Variants in KPNB1 observed in about 807,000 individuals in gnomAD.
KPNB1 encodes importin subunit beta-1.
KPNB1 carries 7 observed loss-of-function variants against 113.0 expected under a neutral mutation model. The ratio of observed to expected loss-of-function variants is 0.06; its 90% CI spans 0.04 to 0.12. The LOEUF (loss-of-function observed/expected upper bound fraction) is 0.12, where lower values mean the gene tolerates loss of function less well. Ranked by LOEUF, KPNB1 falls within the 10% of genes least tolerant of loss-of-function variation. KPNB1 has a pLI of 1.00. For missense variants in KPNB1, 400 were observed against 1,054.8 expected (o/e 0.38, Z 8.60); for synonymous variants, 363 against 378.6 (o/e 0.96, Z 0.48).
chr17:47,682,144 ATTTC>A (rs2030803849), intron 21 of KPNB1, among the ~76,000 whole-genome samples: 1 of 152,148 alleles, frequency 6.6e-6, no homozygotes, highest in Non-Finnish European at 1.5e-5. Context: ...TACAGTTTTA[ATTTC>A]TTTCACTCTT....
In KPNB1 at chr17:47,683,159, G is replaced by GTTTTT. The variant is rs560543684; in HGVS notation, c.*763_*767dup. 1 of 77,912 alleles carries GTTTTT rather than the reference G, an allele frequency of 1.3e-5. No homozygotes were observed. Among genetic ancestry groups the GTTTTT allele is most frequent in the Non-Finnish European group, 2.6e-5 (1 of 38,648 alleles). 4.8% of individuals were successfully genotyped at this position (77,912 alleles called of 1,614,324 possible). A position where few individuals can be genotyped will look rare whatever the true frequency, so the allele number is the denominator to read the frequency against. Reference sequence around the variant, plus strand: ...AAAGACGCTCTTTAGGTTTTGTTTTGTTTTTTTTTTTTGGTTTTGTTTTTT... The same window carrying GTTTTT: ...AAAGACGCTCTTTAGGTTTTGTTTTGTTTTTTTTTTTTTTTTTGGTTTTGTTTTTT... On this transcript the variant is annotated 3_prime_UTR_variant, in exon 22 of 22. Transcript: ENST00000290158.
intron 17 of KPNB1, among the ~76,000 whole-genome samples, chr17:47,677,408 G>A (rs549944468): frequency 2.0e-5 from 3 of 148,512 alleles, no homozygotes; most frequent in African/African-American, 5.0e-5. Context: ...GGAGGTGGAC[G>A]TTGCAGTGAG....
intron 9 of KPNB1, among the ~76,000 whole-genome samples, chr17:47,666,593 T>C (rs890555588): frequency 3.4e-5 from 5 of 146,212 alleles, no homozygotes; most frequent in Admixed American, 7.0e-5. Flanking sequence ...CTACATATTA[T>C]ATATAATTAT....
intron 14 of KPNB1, chr17:47,673,844 C>T: frequency 2.7e-6 from 1 of 374,202 alleles, no homozygotes; most frequent in Non-Finnish European, 4.9e-6. Flanking sequence ...AACATACACT[C>T]CTCAGACCTC....
At chr17:47,671,101 C>G (rs2030430870) in intron 12 of KPNB1, among the ~76,000 whole-genome samples, 1 of 152,130 alleles carries the variant, frequency 6.6e-6, no homozygotes, top group Admixed American at 6.5e-5. Context: ...ACTAAAAATA[C>G]AAAAAATTAG....
At chr17:47,658,460 C>T (rs1355932556) in intron 4 of KPNB1, 48 bp from the exon 5 acceptor site, 8 of 1,570,838 alleles carry the variant, frequency 5.1e-6, no homozygotes, top group Non-Finnish European at 6.0e-6. Flanking sequence ...GAACCCATGG[C>T]TGCAGAGGGC....
chr17:47,681,686 GTTTTTTTTT>G lies in KPNB1; in HGVS notation c.*-701_*-693del, dbSNP rs59222945. The stretch of plus-strand genomic sequence containing the variant: ...GCCTCCTAAATTGCTGGAATTATAG[GTTTTTTTTT>G]TTTTTTTTTTTTTTTTGTATTTTTA... On this transcript the variant is annotated intron_variant, in intron 21 of 21. Coordinates refer to ENST00000290158, the MANE Select transcript of KPNB1 (RefSeq NM_002265.6). 1.4e-4 allele frequency among the ~76,000 whole-genome samples: 13 copies of G among 96,040 alleles called. No individual in the cohort carries two copies. The East Asian group carries it at 1.6e-3, about 12-fold the overall frequency. 63.0% of individuals were successfully genotyped at this position (96,040 alleles called of 152,430 possible).
Position 47,678,087 on chromosome 17 carries a change from A to G in KPNB1, c.2145A>G (p.Ser715=). ...VHRSVKPQIL[S]VFGDIALAIG... is the part of the protein sequence containing the mutation. ...GGTCTGTGAAGCCGCAGATTCTGTC[A>G]GTGTTTGGTGATATTGCCCTTGCTA... The change falls in exon 18 of 22, where the codon TCA becomes TCG. Residue 715 remains serine (S), a synonymous_variant. Transcript: ENST00000290158. The G allele has an allele frequency of 6.2e-7, 1 of 1,614,172 alleles. No homozygotes were observed. The highest frequency in any genetic ancestry group is 8.5e-7 in the Non-Finnish European group (1 of 1,179,978).
intron 7 of KPNB1, among the ~76,000 whole-genome samples, chr17:47,663,724 C>G (rs911549276): frequency 6.6e-6 from 1 of 152,106 alleles, no homozygotes; most frequent in Non-Finnish European, 1.5e-5. Flanking sequence ...GTGGCTCACG[C>G]CTGTAATCCC....
rs764960340 is a variant in KPNB1 at position 47,650,224 on chromosome 17, G to C, written c.-21G>C. On this transcript the variant is annotated 5_prime_UTR_variant, in exon 1 of 22. Coordinates refer to ENST00000290158, the MANE Select transcript of KPNB1 (RefSeq NM_002265.6). ...CCGGGCCGTCGTCTTAGGAGGAGTC[G>C]CCGCCGCCGCCACCTCCGCCATGGA... The C allele has an allele frequency of 1.9e-6, 3 of 1,570,706 alleles. No homozygotes were observed. The highest frequency in any genetic ancestry group is 2.6e-6 in the Non-Finnish European group (3 of 1,163,062).
At chr17:47,680,277 C>T in intron 20 of KPNB1, 143 bp downstream of exon 20, 1 of 759,164 alleles carries the variant, frequency 1.3e-6, no homozygotes, top group Middle Eastern at 2.6e-4. Context: ...CGCTTCATGT[C>T]CTGTTTTGAG....
At chr17:47,658,075 A>G (rs1050082341) in intron 4 of KPNB1, among the ~76,000 whole-genome samples, 14 of 152,178 alleles carry the variant, frequency 9.2e-5, no homozygotes, top group Admixed American at 8.5e-4. Context: ...TCTGGGCAAT[A>G]CAGACCCTGT....
intron 5 of KPNB1, among the ~76,000 whole-genome samples, chr17:47,659,997 T>C (rs1001700353): frequency 1.1e-4 from 16 of 152,280 alleles, no homozygotes; most frequent in African/African-American, 3.6e-4. Context: ...AAATTTACCA[T>C]CTTAAATCAT....
At chr17:47,665,470 TAGG>T (rs939424937) in intron 9 of KPNB1, among the ~76,000 whole-genome samples, 2 of 152,160 alleles carry the variant, frequency 1.3e-5, no homozygotes, top group Non-Finnish European at 2.9e-5. Flanking sequence ...GAAGCAAGGT[TAGG>T]AGCAAAGATG....
intron 2 of KPNB1, 119 bp downstream of exon 2, chr17:47,650,563 C>CCCCCTT (rs1191001815): frequency 1.2e-5 from 8 of 692,200 alleles, no homozygotes; most frequent in African/African-American, 8.9e-5. Context: ...CGTCCCCCTC[C>CCCCCTT]CCCCTCCCCC....
chr17:47,679,453 T>C (rs2030707788), intron 19 of KPNB1, among the ~76,000 whole-genome samples: 2 of 152,200 alleles, frequency 1.3e-5, no homozygotes, highest in South Asian at 4.1e-4. Context: ...CCCCTTGGTA[T>C]CATTAGCTCA....
intron 12 of KPNB1, among the ~76,000 whole-genome samples, chr17:47,671,117 C>T (rs561093012): frequency 2.0e-5 from 3 of 152,268 alleles, no homozygotes; most frequent in Admixed American, 2.0e-4. Flanking sequence ...ATTAGCCGGG[C>T]GTGCTGGCGC....
chr17:47,674,811 A>G (rs1597937251), intron 15 of KPNB1, 29 bp downstream of exon 15: 3 of 1,592,518 alleles, frequency 1.9e-6, no homozygotes, highest in Non-Finnish European at 2.6e-6. Flanking sequence ...CTGGTCAGGG[A>G]ATGTCTTTGG....
At chr17:47,657,761 C>CAAAGATGAAGTTGATGAGTTTG (rs1457550872) in intron 4 of KPNB1, among the ~76,000 whole-genome samples, 1 of 152,180 alleles carries the variant, frequency 6.6e-6, no homozygotes, top group African/African-American at 2.4e-5. Context: ...GCTAAGAAGT[C>CAAAGATGAAGTTGATGAGTTTG]AAAGATGAAG....
Sources: allele counts gnomAD v4.1 joint callset (sites outside exome capture counted in the v4.1 genomes callset), GRCh38; gene constraint gnomAD v4.1.1; transcripts MANE v1.5; gene names NCBI Gene and HGNC (gene_info 2026-07-23, HGNC 2026-07-21).